OPCML: variants seen among roughly 807,000 people sequenced by gnomAD.
The protein encoded by OPCML is opioid-binding protein/cell adhesion molecule.
OPCML carries 13 observed loss-of-function variants against 37.8 expected under a neutral mutation model. The ratio of observed to expected loss-of-function variants is 0.34; its 90% CI spans 0.22 to 0.55. The LOEUF is 0.55. Ranked by LOEUF, OPCML falls within the 20% of genes least tolerant of loss-of-function variation. The pLI is 0.91. For missense variants in OPCML, 341 were observed against 435.6 expected, an observed-to-expected ratio of 0.78 and a Z score of 1.93; for synonymous variants, 176 against 168.8, an observed-to-expected ratio of 1.04 and a Z score of -0.33.
intron 1 of OPCML, among the ~76,000 whole-genome samples, chr11:133,114,362 C>CT (rs1197181591): frequency 1.2e-4 from 18 of 151,930 alleles, no homozygotes; most frequent in African/African-American, 3.4e-4. Flanking sequence ...TCTTTTTTTT[C>CT]TTTTTTTAAC....
rs577311186 is a variant in OPCML at position 133,186,972 on chromosome 11, C to G, written c.62-243962G>C. Among the ~76,000 whole-genome samples, 75 of 152,018 alleles carry G rather than the reference C, an allele frequency of 4.9e-4. 1 individual carries two copies. Among genetic ancestry groups the G allele is most frequent in the Middle Eastern group, 3.4e-3 (1 of 294 alleles). On this transcript the variant is annotated intron_variant, in intron 1 of 7. Transcript: ENST00000524381. ...GGAGGGAGGTCAAAGAGGCATTCGT[C>G]GTGGTGGTGGTGGTGGTGTGTGTAG...
chr11:132,595,178 G>C (rs1034732341), intron 3 of OPCML, among the ~76,000 whole-genome samples: 1 of 152,084 alleles, frequency 6.6e-6, no homozygotes, highest in Non-Finnish European at 1.5e-5. Flanking sequence ...TGAGAAAAAG[G>C]TGGTACATCA....
intron 7 of OPCML, among the ~76,000 whole-genome samples, chr11:132,433,658 T>C (rs2096004557): frequency 6.6e-6 from 1 of 152,176 alleles, no homozygotes; most frequent in Non-Finnish European, 1.5e-5. Context: ...AGGTGGCACC[T>C]ATAGGGAAGT....
intron 2 of OPCML, among the ~76,000 whole-genome samples, chr11:132,692,585 C>A (rs926712903): frequency 6.6e-6 from 1 of 152,164 alleles, no homozygotes; most frequent in Non-Finnish European, 1.5e-5. Flanking sequence ...AGGGGAGGTG[C>A]TTTCACTGCA....
At chr11:132,647,816 C>A (rs1393078262) in intron 3 of OPCML, among the ~76,000 whole-genome samples, 2 of 152,096 alleles carry the variant, frequency 1.3e-5, no homozygotes, top group African/African-American at 4.8e-5. Flanking sequence ...CAGATGATAA[C>A]CATTGTTTAT....
intron 1 of OPCML, among the ~76,000 whole-genome samples, chr11:133,050,109 G>A (rs1236812182): frequency 6.6e-6 from 1 of 152,092 alleles, no homozygotes; most frequent in Non-Finnish European, 1.5e-5. Flanking sequence ...ACAGCCCCTG[G>A]GCCAGCACAG....
chr11:132,712,503 C>A (rs549744694), intron 2 of OPCML, among the ~76,000 whole-genome samples: 4 of 152,270 alleles, frequency 2.6e-5, no homozygotes, highest in African/African-American at 9.6e-5. Context: ...TCTTTTTAGC[C>A]GTACAGTCTA....
intron 1 of OPCML, among the ~76,000 whole-genome samples, chr11:132,960,782 T>C (rs1946076253): frequency 6.6e-6 from 1 of 152,246 alleles, no homozygotes; most frequent in African/African-American, 2.4e-5. Flanking sequence ...CACACTGTTT[T>C]ACCGACAATT....
chr11:133,332,782 AC>A (rs1408339082), intron 1 of OPCML, among the ~76,000 whole-genome samples: 3 of 152,122 alleles, frequency 2.0e-5, no homozygotes, highest in Non-Finnish European at 2.9e-5. Context: ...TGTTGAACCA[AC>A]CTTGCCTGCG....
Position 132,415,378 on chromosome 11 carries a change from T to C in OPCML, c.*4815A>G, listed in dbSNP as rs2095935116. On this transcript the variant is annotated 3_prime_UTR_variant, in exon 8 of 8. Transcript: ENST00000524381. ...TCTGAACTTGACAGACACATTTTCG[T>C]TCACCCACACAGTCCTCACAACTGC... 6.6e-6 allele frequency: 1 copy of C among 152,272 alleles called. No homozygotes were observed. Among genetic ancestry groups the C allele is most frequent in the Non-Finnish European group, 1.5e-5 (1 of 68,032 alleles). The allele number at this position is 152,272 out of a possible 1,614,324, so 9.4% of individuals were successfully genotyped here.
At chr11:133,331,942 A>T (rs1943628257) in intron 1 of OPCML, among the ~76,000 whole-genome samples, 1 of 151,964 alleles carries the variant, frequency 6.6e-6, no homozygotes, top group Non-Finnish European at 1.5e-5. Context: ...TATAAATTTT[A>T]AAATATTTTT....
chr11:133,512,140 G>A (rs1948174535), intron 1 of OPCML, among the ~76,000 whole-genome samples: 1 of 152,130 alleles, frequency 6.6e-6, no homozygotes, highest in African/African-American at 2.4e-5. Flanking sequence ...CCACTTCAGA[G>A]GCCATTAGAA....
At chr11:132,780,922 C>A (rs11223203) in intron 2 of OPCML, among the ~76,000 whole-genome samples, 30,556 of 152,056 alleles carry the variant, frequency 0.2, 3,818 homozygotes, top group Non-Finnish European at 0.3. Context: ...ATATGCAATA[C>A]AAGTTATTTT....
At chr11:132,669,813 C>T (rs1313544853) in intron 2 of OPCML, among the ~76,000 whole-genome samples, 3 of 152,146 alleles carry the variant, frequency 2.0e-5, no homozygotes, top group Admixed American at 1.3e-4. Context: ...TATCCAGCCC[C>T]TCTGGTCATC....
At chr11:132,734,150 G>A (rs1945176272) in intron 2 of OPCML, among the ~76,000 whole-genome samples, 1 of 152,056 alleles carries the variant, frequency 6.6e-6, no homozygotes, top group Non-Finnish European at 1.5e-5. Context: ...TAAATGATAG[G>A]AAACACATAT....
chr11:132,998,130 C>A (rs7947762), intron 1 of OPCML, among the ~76,000 whole-genome samples: 59 of 152,324 alleles, frequency 3.9e-4, no homozygotes, highest in African/African-American at 1.4e-3. Context: ...CCTTGGTGAG[C>A]CCTGCTGAGT....
intron 2 of OPCML, among the ~76,000 whole-genome samples, chr11:132,859,071 T>C (rs991848715): frequency 6.6e-6 from 1 of 152,206 alleles, no homozygotes; most frequent in African/African-American, 2.4e-5. Flanking sequence ...CTTTCTTCAT[T>C]TCATTTCAGA....
chr11:133,467,394 T>A (rs925006596), intron 1 of OPCML, among the ~76,000 whole-genome samples: 9 of 152,182 alleles, frequency 5.9e-5, no homozygotes, highest in African/African-American at 2.2e-4. Flanking sequence ...TCTGAGCATG[T>A]CACTAAAATC....
At chr11:133,487,515 T>A (rs1947554810) in intron 1 of OPCML, among the ~76,000 whole-genome samples, 3 of 152,180 alleles carry the variant, frequency 2.0e-5, no homozygotes, top group African/African-American at 7.2e-5. Flanking sequence ...TATGTTCTAT[T>A]TGATCAACCT....
Sources: allele counts gnomAD v4.1 joint callset (sites outside exome capture counted in the v4.1 genomes callset), GRCh38; gene constraint gnomAD v4.1.1; transcripts MANE v1.5; gene names NCBI Gene and HGNC (gene_info 2026-07-23, HGNC 2026-07-21).